Variants in RYR2 observed in about 807,000 individuals in gnomAD.
RYR2 encodes ryanodine receptor 2, also known as cardiac muscle ryanodine receptor-calcium release channel.
A neutral mutation model predicts 601.1 loss-of-function variants in RYR2; 227 were observed. The ratio of observed to expected loss-of-function variants is 0.38; its 90% CI spans 0.34 to 0.42. RYR2 has a LOEUF of 0.42. Ranked by LOEUF, RYR2 falls within the 10% of genes least tolerant of loss-of-function variation. The probability of loss-of-function intolerance (pLI) is 1.00; values close to 1 mark genes in which losing one functional copy is unlikely to be tolerated. For synonymous variants in RYR2, 2,223 were observed against 2,175.1 expected, an observed-to-expected ratio of 1.02 and a Z score of -0.61; for missense variants, 4,646 against 6,156.5, an observed-to-expected ratio of 0.75 and a Z score of 8.21.
chr1:237,698,477 C>A (rs939208136), intron 63 of RYR2, among the ~76,000 whole-genome samples: 2 of 151,964 alleles, frequency 1.3e-5, no homozygotes, highest in South Asian at 2.1e-4. Context: ...AATTAATTTA[C>A]CTTCATGCAA....
chr1:237,613,152 C>A (rs1205775372), intron 36 of RYR2, among the ~76,000 whole-genome samples: 2 of 152,114 alleles, frequency 1.3e-5, no homozygotes, highest in South Asian at 4.1e-4. Context: ...ATCTGATGCC[C>A]CAATAACATG....
intron 9 of RYR2, 73 bp downstream of exon 9, chr1:237,387,453 T>C (rs902159391): frequency 1.1e-5 from 15 of 1,320,078 alleles, no homozygotes; most frequent in Non-Finnish European, 1.6e-5. Flanking sequence ...ATTGTGATAA[T>C]GAGCTGATTG....
intron 1 of RYR2, among the ~76,000 whole-genome samples, chr1:237,083,865 T>C (rs916850002): frequency 6.6e-6 from 1 of 152,182 alleles, no homozygotes. Flanking sequence ...TGTGGGACTT[T>C]TGTCCACTTA....
intron 1 of RYR2, among the ~76,000 whole-genome samples, chr1:237,081,578 A>G (rs1411420643): frequency 6.6e-6 from 1 of 151,930 alleles, no homozygotes; most frequent in Non-Finnish European, 1.5e-5. Flanking sequence ...TCATGCATTT[A>G]TGTTCCAGAT....
At chr1:237,163,048 G>T (rs10754593) in intron 1 of RYR2, among the ~76,000 whole-genome samples, 1 of 152,078 alleles carries the variant, frequency 6.6e-6, no homozygotes, top group Admixed American at 6.5e-5. Context: ...TTATGGACTA[G>T]AGACGGAGAG....
At chr1:237,316,846 T>A (rs1423504729) in intron 2 of RYR2, among the ~76,000 whole-genome samples, 1 of 152,212 alleles carries the variant, frequency 6.6e-6, no homozygotes, top group African/African-American at 2.4e-5. Flanking sequence ...CTTGTTCCTA[T>A]TTTTTATGGA....
intron 35 of RYR2, among the ~76,000 whole-genome samples, chr1:237,608,025 T>C (rs1677338402): frequency 6.6e-6 from 1 of 152,210 alleles, no homozygotes; most frequent in African/African-American, 2.4e-5. Context: ...TATACACATA[T>C]GTATACACCA....
rs765364982 is a variant in RYR2, at chr1:237,761,014, C to T, written c.11462C>T (p.Thr3821Ile). Reference protein sequence around the residue: ...QNKAEGLGMVTEEGSGEKVLQ... With the variant: ...QNKAEGLGMVIEEGSGEKVLQ... ...AAAGCTGAAGGTCTTGGGATGGTGACAGAGGAAGGATCAGGTATTAATGAC... is the reference window on the plus strand; with the variant it reads ...AAAGCTGAAGGTCTTGGGATGGTGATAGAGGAAGGATCAGGTATTAATGAC... Residue 3821 changes from threonine to isoleucine, a missense_variant, in exon 84 of 105, where the codon ACA becomes ATA. By Grantham distance (89) the Thr-to-Ile change is moderately conservative. Transcript: ENST00000366574. 2 of 1,574,858 alleles carry T rather than the reference C, an allele frequency of 1.3e-6. No individual in the cohort carries two copies. Among genetic ancestry groups the T allele is most frequent in the South Asian group, 1.2e-5 (1 of 85,894 alleles).
chr1:237,633,507 A>G (rs1333264006), intron 42 of RYR2, 71 bp from the exon 43 acceptor site: 17 of 1,577,492 alleles, frequency 1.1e-5, no homozygotes, highest in Non-Finnish European at 1.4e-5. Context: ...TGTGATTGAG[A>G]CCTCAACGTA....
chr1:237,282,068 A>G (rs1690946351), intron 2 of RYR2, among the ~76,000 whole-genome samples: 1 of 152,198 alleles, frequency 6.6e-6, no homozygotes, highest in Non-Finnish European at 1.5e-5. Flanking sequence ...CACTGTTAGA[A>G]GCCTGGCTAT....
At chr1:237,706,464 C>T (rs544625263) in intron 67 of RYR2, among the ~76,000 whole-genome samples, 2 of 152,194 alleles carry the variant, frequency 1.3e-5, no homozygotes, top group East Asian at 3.9e-4. Flanking sequence ...CAGCTTTGTT[C>T]CTGAGGACGG....
At chr1:237,237,553 A>G (rs1685673881) in intron 1 of RYR2, among the ~76,000 whole-genome samples, 1 of 152,194 alleles carries the variant, frequency 6.6e-6, no homozygotes. Context: ...GACTGACAAA[A>G]CACACTGTAG....
chr1:237,453,484 G>A (rs1658443753), intron 14 of RYR2, among the ~76,000 whole-genome samples: 1 of 152,038 alleles, frequency 6.6e-6, no homozygotes, highest in Admixed American at 6.6e-5. Context: ...CAGAAAATTA[G>A]TCAGAAACAT....
In RYR2 at chr1:237,329,368, G is replaced by A. The variant is rs550074730; in HGVS notation, c.169-1510G>A. On this transcript the variant is annotated intron_variant, in intron 2 of 104. Transcript: ENST00000366574. ...TATTTAAAAAAAATTAAGGCCTGGC[G>A]CGGTGGCTCATGTCTGTAATCCCAG... 1.2e-4 allele frequency among the ~76,000 whole-genome samples: 19 copies of A among 152,016 alleles called. No homozygotes were observed. The South Asian group carries it at 1.3e-3, about 10-fold the overall frequency.
At chr1:237,459,522 A>T (rs1048271245) in intron 16 of RYR2, among the ~76,000 whole-genome samples, 10 of 152,182 alleles carry the variant, frequency 6.6e-5, no homozygotes, top group Non-Finnish European at 1.2e-4. Context: ...TTATTTTCAT[A>T]TCAACTCTTT....
intron 10 of RYR2, among the ~76,000 whole-genome samples, chr1:237,399,042 A>G (rs1453166056): frequency 2.0e-5 from 3 of 152,080 alleles, no homozygotes; most frequent in Non-Finnish European, 4.4e-5. Context: ...AAAAATGCAA[A>G]AAATTAGCTG....
chr1:237,391,932 G>C (rs893032321), intron 10 of RYR2, among the ~76,000 whole-genome samples: 1 of 152,004 alleles, frequency 6.6e-6, no homozygotes, highest in Non-Finnish European at 1.5e-5. Context: ...ATCCTGACGT[G>C]TTCATGAAAT....
chr1:237,259,509 C>A (rs1180275266), intron 1 of RYR2, among the ~76,000 whole-genome samples: 2 of 138,578 alleles, frequency 1.4e-5, no homozygotes, highest in African/African-American at 2.8e-5. Context: ...CCAGCCTGGG[C>A]AACAGAGCTC....
At position 237,590,982 on chromosome 1, in the gene RYR2, C is replaced by T; in HGVS notation, c.4150C>T (p.Leu1384=). 6.2e-7 allele frequency: 1 copy of T among 1,611,382 alleles called. No homozygotes were observed. The highest frequency in any genetic ancestry group is 8.5e-7 in the Non-Finnish European group (1 of 1,178,498). Residue 1384 remains leucine, a synonymous_variant, in exon 31 of 105, where the codon CTG becomes TTG. Coordinates refer to ENST00000366574, the MANE Select transcript of RYR2 (RefSeq NM_001035.3). ...TTATGCCCAGGAAAAGCCCTCTCGT[C>T]TGAAACAAAGGTTACTAATTTATAC... ...KDYAQEKPSR[L]KQRFLLRRTK...
Sources: allele counts gnomAD v4.1 joint callset (sites outside exome capture counted in the v4.1 genomes callset), GRCh38; gene constraint gnomAD v4.1.1; transcripts MANE v1.5; gene names NCBI Gene and HGNC (gene_info 2026-07-23, HGNC 2026-07-21).